The following TTC28 variants were observed in gnomAD, a reference collection of about 807,000 sequenced individuals.
TTC28 encodes tetratricopeptide repeat domain 28, also known as tetratricopeptide repeat protein 28.
In TTC28, 61 loss-of-function variants were observed where a neutral mutation model predicts 198.0. The observed-to-expected ratio is 0.31, with a 90% CI of 0.25 to 0.38. TTC28 has a LOEUF of 0.38. TTC28 is among the 10% of genes least tolerant of loss of function. The probability of loss-of-function intolerance (pLI) is 1.00; values close to 1 mark genes in which losing one functional copy is unlikely to be tolerated. For missense variants in TTC28, 2,678 were observed against 3,164.0 expected, an observed-to-expected ratio of 0.85 and a Z score of 3.69; for synonymous variants, 1,171 against 1,297.8, an observed-to-expected ratio of 0.90 and a Z score of 2.10.
intron 2 of TTC28, among the ~76,000 whole-genome samples, chr22:28,347,446 G>A (rs1225053516): frequency 6.6e-6 from 1 of 152,094 alleles, no homozygotes; most frequent in Non-Finnish European, 1.5e-5. Flanking sequence ...CAGATAGCTT[G>A]AGAATGATCT....
intron 5 of TTC28, among the ~76,000 whole-genome samples, chr22:28,208,089 G>A (rs993569966): frequency 2.6e-5 from 4 of 152,074 alleles, no homozygotes; most frequent in South Asian, 2.1e-4. Context: ...TTAAGTATGC[G>A]TGTAATCTCT....
chr22:28,658,548 T>C (rs2051694386), intron 1 of TTC28, among the ~76,000 whole-genome samples: 1 of 152,138 alleles, frequency 6.6e-6, no homozygotes, highest in African/African-American at 2.4e-5. Context: ...GAATAGGGAT[T>C]TTATTGTTTA....
At chr22:28,629,166 T>C (rs2051126788) in intron 2 of TTC28, among the ~76,000 whole-genome samples, 1 of 152,034 alleles carries the variant, frequency 6.6e-6, no homozygotes, top group Non-Finnish European at 1.5e-5. Flanking sequence ...TAAACAGTCA[T>C]TGACAGAGAA....
intron 2 of TTC28, among the ~76,000 whole-genome samples, chr22:28,335,568 G>T (rs2145887630): frequency 6.6e-6 from 1 of 152,248 alleles, no homozygotes; most frequent in East Asian, 1.9e-4. Flanking sequence ...CTTGTAAGTT[G>T]GATTCCTAGG....
At chr22:28,457,175 TG>T (rs1416995767) in intron 2 of TTC28, among the ~76,000 whole-genome samples, 1 of 152,202 alleles carries the variant, frequency 6.6e-6, no homozygotes, top group Non-Finnish European at 1.5e-5. Flanking sequence ...TGGATACATT[TG>T]AGCCAATGAA....
intron 18 of TTC28, 80 bp downstream of exon 18, chr22:27,993,207 G>T: frequency 1.6e-6 from 2 of 1,289,250 alleles, no homozygotes; most frequent in Non-Finnish European, 2.1e-6. Context: ...GCATCCTCAT[G>T]AATGCGGGGC....
At chr22:28,575,061 T>A (rs1326920563) in intron 2 of TTC28, among the ~76,000 whole-genome samples, 3 of 152,228 alleles carry the variant, frequency 2.0e-5, no homozygotes, top group African/African-American at 7.2e-5. Context: ...TTTACTTTGA[T>A]TGTCTGGGCT....
intron 6 of TTC28, among the ~76,000 whole-genome samples, chr22:28,138,347 T>A (rs1943250636): frequency 6.6e-6 from 1 of 152,160 alleles, no homozygotes. Flanking sequence ...GGAAATGAGA[T>A]CCAAAAATTT....
intron 2 of TTC28, among the ~76,000 whole-genome samples, chr22:28,555,686 T>C (rs2049774918): frequency 6.6e-6 from 1 of 152,030 alleles, no homozygotes; most frequent in Non-Finnish European, 1.5e-5. Context: ...ACTTTGGGGA[T>C]TACAGGGAAA....
At chr22:28,279,019 T>C (rs1024252992) in intron 5 of TTC28, among the ~76,000 whole-genome samples, 1 of 152,186 alleles carries the variant, frequency 6.6e-6, no homozygotes, top group African/African-American at 2.4e-5. Flanking sequence ...AGAATTCGAA[T>C]CACTAGAATT....
rs1275566685 is a variant in TTC28 at position 27,978,988 on chromosome 22, C to G, written c.*3233G>C. The G allele has an allele frequency of 6.6e-6, 1 of 152,166 alleles. No individual in the cohort carries two copies. Among genetic ancestry groups the G allele is most frequent in the Non-Finnish European group, 1.5e-5 (1 of 68,042 alleles). The allele number at this position is 152,166 out of a possible 1,614,324, so 9.4% of individuals were successfully genotyped here. On this transcript the variant is annotated 3_prime_UTR_variant, in exon 23 of 23. Coordinates refer to ENST00000397906, the MANE Select transcript of TTC28 (RefSeq NM_001145418.2). ...AAAATTGTTTTGTAAATATTACATCCATGGACTCCTCCCAAGTGGGACAAA... is the reference window on the plus strand; with the variant it reads ...AAAATTGTTTTGTAAATATTACATCGATGGACTCCTCCCAAGTGGGACAAA...
intron 2 of TTC28, among the ~76,000 whole-genome samples, chr22:28,454,238 C>T (rs2047825551): frequency 6.6e-6 from 1 of 152,194 alleles, no homozygotes; most frequent in African/African-American, 2.4e-5. Context: ...TCTCATTTAA[C>T]CTCTGTGCAT....
Position 28,283,992 on chromosome 22 carries a change from T to A in TTC28, c.933+12206A>T, listed in dbSNP as rs551397469. Among the ~76,000 whole-genome samples, 3 of 152,176 alleles carry A rather than the reference T, an allele frequency of 2.0e-5. No homozygotes were observed. The South Asian group carries it at 6.2e-4, about 32-fold the overall frequency. ...TCTCCAGCTCTGAGTAAAATAAAGA[T>A]TATCACTCATAAGAACCAAGGAGAG... On this transcript the variant is annotated intron_variant, in intron 5 of 22. Coordinates refer to ENST00000397906, the MANE Select transcript of TTC28 (RefSeq NM_001145418.2).
intron 2 of TTC28, among the ~76,000 whole-genome samples, chr22:28,359,163 G>A (rs999611233): frequency 6.6e-6 from 1 of 152,160 alleles, no homozygotes; most frequent in Non-Finnish European, 1.5e-5. Flanking sequence ...TTTATGAACT[G>A]AATTCTAGAA....
intron 2 of TTC28, among the ~76,000 whole-genome samples, chr22:28,425,435 G>A (rs964534342): frequency 1.3e-5 from 2 of 152,218 alleles, no homozygotes; most frequent in African/African-American, 2.4e-5. Context: ...CCATTACTGT[G>A]TCCTTCAGGG....
At chr22:28,266,476 TC>T (rs1429802326) in intron 5 of TTC28, among the ~76,000 whole-genome samples, 2 of 152,310 alleles carry the variant, frequency 1.3e-5, no homozygotes, top group East Asian at 3.9e-4. Context: ...GTGGGTTGAC[TC>T]TGGGTTCAGC....
At chr22:28,388,412 T>C (rs952615286) in intron 2 of TTC28, among the ~76,000 whole-genome samples, 12 of 152,364 alleles carry the variant, frequency 7.9e-5, no homozygotes, top group East Asian at 3.9e-4. Context: ...GGGGATGACA[T>C]TGAATCTGTA....
intron 5 of TTC28, among the ~76,000 whole-genome samples, chr22:28,216,157 T>G (rs1927384730): frequency 6.6e-6 from 1 of 152,184 alleles, no homozygotes; most frequent in Admixed American, 6.5e-5. Flanking sequence ...GTACTCAACA[T>G]TTGCAGAATG....
At chr22:28,051,829 C>G (rs1940099286) in intron 12 of TTC28, among the ~76,000 whole-genome samples, 1 of 152,138 alleles carries the variant, frequency 6.6e-6, no homozygotes, top group African/African-American at 2.4e-5. Flanking sequence ...CCCTACCACC[C>G]ATCGTCCACA....
Sources: gnomAD v4.1 joint callset for allele counts (sites outside exome capture counted in the v4.1 genomes callset) on GRCh38, gnomAD v4.1.1 for gene constraint, MANE v1.5 for transcripts, NCBI Gene and HGNC (gene_info 2026-07-23, HGNC 2026-07-21) for gene names.